RADIL: variants seen among roughly 807,000 people sequenced by gnomAD.
The protein encoded by RADIL is ras-associating and dilute domain-containing protein.
RADIL carries 99 observed loss-of-function variants against 97.6 expected under a neutral mutation model. That is an observed-to-expected ratio of 1.01 (90% confidence interval 0.86 to 1.20). RADIL has a LOEUF of 1.20. Among genes scored for constraint, RADIL ranks in the 50% most tolerant of loss-of-function variants. RADIL has a pLI of 0.00. For missense variants in RADIL, 1,765 were observed against 1,498.9 expected, an observed-to-expected ratio of 1.18 and a Z score of -2.93; for synonymous variants, 803 against 691.8, an observed-to-expected ratio of 1.16 and a Z score of -2.52.
rs1784435604 is a variant in RADIL at position 4,879,241 on chromosome 7, G to T, written c.-64-1038C>A. Among the ~76,000 whole-genome samples the T allele has an allele frequency of 6.6e-6, 1 of 152,370 alleles. No homozygotes were observed. The highest frequency in any genetic ancestry group is 3.4e-3 in the Middle Eastern group (1 of 294). Reference sequence around the variant, plus strand: ...CGGGAAAACAGCCTGGGACGCGTTGGCGTGTCATACAATCACACTTCTAAT... The same window carrying T: ...CGGGAAAACAGCCTGGGACGCGTTGTCGTGTCATACAATCACACTTCTAAT... On this transcript the variant is annotated intron_variant, in intron 1 of 14. Transcript: ENST00000399583. The surrounding 1 kb of genome is among the most constrained non-coding windows in gnomAD (Gnocchi z 4.1).
chr7:4,815,568 G>C lies in RADIL; in HGVS notation c.1967-118C>G, dbSNP rs1246338185. 1 of 1,129,288 alleles carries C rather than the reference G, an allele frequency of 8.9e-7. No homozygotes were observed. Among genetic ancestry groups the C allele is most frequent in the East Asian group, 2.8e-5 (1 of 35,214 alleles). The allele number at this position is 1,129,288 out of a possible 1,614,324, so 70.0% of individuals were successfully genotyped here. A position where few individuals can be genotyped will look rare whatever the true frequency, so the allele number is the denominator to read the frequency against. On this transcript the variant is annotated intron_variant, in intron 8 of 14. Coordinates refer to ENST00000399583, the MANE Select transcript of RADIL (RefSeq NM_018059.5). This position sits in a 1 kb window ranked among gnomAD's most constrained non-coding sequence, Gnocchi z 8.0. ...TGGGCCACTGAGGACATCACAGCTC[G>C]ATGACAGGCAGGACACCTTCCCTCG...
In RADIL at chr7:4,834,997, C is replaced by G; in HGVS notation, c.1026G>C (p.Gly342=). ...AGTAGAGCCCCAGGGAGAGCAGGTC[C>G]CCGTGGTGCAGCACCACGGTCCTGT... ...VGHRTVVLHH[G]DLLSLGLYYL... is the part of the protein sequence containing the mutation. The change falls in exon 4 of 15, where the codon GGG becomes GGC. Residue 342 remains glycine (G), a synonymous_variant. Transcript: ENST00000399583. The surrounding 1 kb of genome is among the most constrained non-coding windows in gnomAD (Gnocchi z 6.0). 2 of 1,611,316 alleles carry G rather than the reference C, an allele frequency of 1.2e-6. No individual in the cohort carries two copies. The highest frequency in any genetic ancestry group is 2.2e-5 in the South Asian group (2 of 90,854).
chr7:4,844,306 G>A (rs1267025648), intron 2 of RADIL, among the ~76,000 whole-genome samples: 1 of 151,652 alleles, frequency 6.6e-6, no homozygotes, highest in African/African-American at 2.4e-5. Context: ...TTAGCTGAGT[G>A]TGGTGGCACG....
chr7:4,819,789 C>T lies in RADIL; in HGVS notation c.1616-2438G>A, dbSNP rs1782779357. Among the ~76,000 whole-genome samples the T allele has an allele frequency of 1.3e-5, 2 of 152,230 alleles. No individual in the cohort carries two copies. Among genetic ancestry groups the T allele is most frequent in the African/African-American group, 4.8e-5 (2 of 41,466 alleles). ...TCTAGGGGCTATTTCCCACTCTGTT[C>T]CCTGGTGCCTGCCTGGCCCTCGACA... On this transcript the variant is annotated intron_variant, in intron 6 of 14. Coordinates refer to ENST00000399583, the MANE Select transcript of RADIL (RefSeq NM_018059.5). The surrounding 1 kb of genome is among the most constrained non-coding windows in gnomAD (Gnocchi z 5.8).
At position 4,840,059 on chromosome 7, in the gene RADIL, T is replaced by A. The variant is rs2115008291; in HGVS notation, c.536-3454A>T. Among the ~76,000 whole-genome samples the A allele has an allele frequency of 6.6e-6, 1 of 152,286 alleles. No individual in the cohort carries two copies. Among genetic ancestry groups the A allele is most frequent in the East Asian group, 1.9e-4 (1 of 5,186 alleles). On this transcript the variant is annotated intron_variant, in intron 2 of 14. Coordinates refer to ENST00000399583, the MANE Select transcript of RADIL (RefSeq NM_018059.5). The surrounding 1 kb of genome is among the most constrained non-coding windows in gnomAD (Gnocchi z 5.6). ...CCACCGCGCCCAGCATAAACACTTT[T>A]GTTAAAATAAAAATCACAGAAGTTT...
At chr7:4,807,319 C>A (rs1403683407) in intron 9 of RADIL, among the ~76,000 whole-genome samples, 3 of 152,038 alleles carry the variant, frequency 2.0e-5, no homozygotes, top group African/African-American at 7.3e-5. Context: ...CCTTACACAC[C>A]CTTCAAGAAA....
intron 2 of RADIL, chr7:4,861,088 T>C (rs757448381): frequency 1.2e-6 from 2 of 1,614,228 alleles, no homozygotes; most frequent in South Asian, 1.1e-5. Context: ...GGAAACCTAA[T>C]ATATTGGAAT....
chr7:4,846,293 C>G (rs900629757), intron 2 of RADIL, among the ~76,000 whole-genome samples: 10 of 151,222 alleles, frequency 6.6e-5, no homozygotes, highest in Admixed American at 5.9e-4. Context: ...ATTACGGGTG[C>G]CTGCCTCCAT....
At chr7:4,846,667 T>C (rs1437286210) in intron 2 of RADIL, among the ~76,000 whole-genome samples, 1 of 151,354 alleles carries the variant, frequency 6.6e-6, no homozygotes, top group Non-Finnish European at 1.5e-5. Context: ...TGCCTCAGCC[T>C]CCCAAGTAGC....
intron 2 of RADIL, chr7:4,865,501 T>C (rs1784111335): frequency 1.3e-6 from 1 of 783,344 alleles, no homozygotes; most frequent in Admixed American, 1.7e-5. Flanking sequence ...CTCTCTTTGC[T>C]GTTAGCAACT....
At position 4,822,483 on chromosome 7, in the gene RADIL, C is replaced by T. The variant is rs1782860984; in HGVS notation, c.1526G>A (p.Trp509Ter). The T allele has an allele frequency of 1.2e-6, 2 of 1,613,058 alleles. No homozygotes were observed. The highest frequency in any genetic ancestry group is 1.7e-6 in the Non-Finnish European group (2 of 1,180,002). Residue 509 changes from tryptophan (W) to a stop codon, truncating the protein, a stop_gained, in exon 6 of 15, where the codon TGG becomes TAG. Transcript: ENST00000399583. LOFTEE classifies it high-confidence loss of function. The surrounding 1 kb of genome is among the most constrained non-coding windows in gnomAD (Gnocchi z 5.3). ...LVPDLQPILFWMSNSIELLYF... is the reference protein window; with the variant it reads ...LVPDLQPILF ...CAGGAGCTCGATGGAGTTAGACATC[C>T]AGAAAAGAATGGGCTGCAAGTCTGG...
chr7:4,810,113 A>G (rs1438125692), intron 9 of RADIL, among the ~76,000 whole-genome samples: 1 of 152,074 alleles, frequency 6.6e-6, no homozygotes, highest in African/African-American at 2.4e-5. Context: ...TCGGCCTCCC[A>G]AAGTGCTGGG....
intron 5 of RADIL, among the ~76,000 whole-genome samples, chr7:4,823,778 T>A (rs1337728891): frequency 6.6e-6 from 1 of 152,200 alleles, no homozygotes; most frequent in Non-Finnish European, 1.5e-5. Context: ...TGCCTTCTAG[T>A]GTCCTCAGCA....
Position 4,854,002 on chromosome 7 carries a change from T to C in RADIL, c.536-17397A>G, listed in dbSNP as rs1194659983. Among the ~76,000 whole-genome samples the C allele has an allele frequency of 6.6e-6, 1 of 152,202 alleles. No homozygotes were observed. Among genetic ancestry groups the C allele is most frequent in the Non-Finnish European group, 1.5e-5 (1 of 68,042 alleles). On this transcript the variant is annotated intron_variant, in intron 2 of 14. Transcript: ENST00000399583. The surrounding 1 kb of genome is among the most constrained non-coding windows in gnomAD (Gnocchi z 5.1). ...GTGCAGTCAGTGAAAGATGAGGGGATGCCGCTGTTGGGACTTCTCCGAAAG... is the reference window on the plus strand; with the variant it reads ...GTGCAGTCAGTGAAAGATGAGGGGACGCCGCTGTTGGGACTTCTCCGAAAG...
chr7:4,816,284 A>C lies in RADIL; in HGVS notation c.1910T>G (p.Leu637Arg). ...QVHPEVASQM[L>R]AYLFFFSGTL... is the part of the protein sequence containing the mutation. ...CCCGGAGAAGAAGAAGAGGTAGGCG[A>C]GCATCTGCGAGGCCACCTCGGGGTG... The change falls in exon 8 of 15, where the codon CTC (leucine) becomes CGC (arginine). Residue 637 changes from leucine to arginine, a missense_variant. Coordinates refer to ENST00000399583, the MANE Select transcript of RADIL (RefSeq NM_018059.5). 2 of 1,612,816 alleles carry C rather than the reference A, an allele frequency of 1.2e-6. No individual in the cohort carries two copies. The highest frequency in any genetic ancestry group is 1.7e-6 in the Non-Finnish European group (2 of 1,179,910).
intron 13 of RADIL, 115 bp from the exon 14 acceptor site, chr7:4,799,884 C>A: frequency 7.2e-7 from 1 of 1,381,224 alleles, no homozygotes; most frequent in African/African-American, 1.5e-5. Flanking sequence ...CCAGCCAGGC[C>A]CACTCATGGT....
chr7:4,855,832 G>A (rs755422733), intron 2 of RADIL, among the ~76,000 whole-genome samples: 43 of 151,976 alleles, frequency 2.8e-4, no homozygotes, highest in Non-Finnish European at 4.9e-4. Context: ...GTCTTGCTCT[G>A]TCGCTCAGGT....
At chr7:4,881,216 C>T (rs1201664525) in intron 1 of RADIL, among the ~76,000 whole-genome samples, 1 of 141,072 alleles carries the variant, frequency 7.1e-6, no homozygotes, top group Non-Finnish European at 1.5e-5. Flanking sequence ...CAGATCGAGA[C>T]CATCCTGGCT....
intron 8 of RADIL, 35 bp downstream of exon 8, chr7:4,816,193 G>A: frequency 6.4e-7 from 1 of 1,573,352 alleles, no homozygotes; most frequent in Non-Finnish European, 8.7e-7. Context: ...AGGAATGTGA[G>A]CCCCCGACCC....
Sources: gnomAD v4.1 joint callset for allele counts (sites outside exome capture counted in the v4.1 genomes callset) on GRCh38, gnomAD v4.1.1 for gene constraint, Gnocchi (gnomAD v3.1) non-coding constraint, MANE v1.5 for transcripts, NCBI Gene and HGNC (gene_info 2026-07-23, HGNC 2026-07-21) for gene names.